The following CRYBG1 variants were observed in gnomAD, a reference collection of about 807,000 sequenced individuals.
The protein encoded by CRYBG1 is beta/gamma crystallin domain-containing protein 1.
Under a neutral mutation model 189.2 loss-of-function variants are expected in CRYBG1, and 139 were observed. That is an observed-to-expected ratio of 0.73 (90% CI 0.64 to 0.85). The LOEUF is 0.85. CRYBG1 is among the 40% of genes least tolerant of loss of function. The pLI, the probability that CRYBG1 is intolerant of heterozygous loss-of-function variation, is 0.00. For synonymous variants in CRYBG1, 1,023 were observed against 1,017.1 expected (o/e 1.01, Z -0.11); for missense variants, 2,611 against 2,675.8 (o/e 0.98, Z 0.53).
intron 1 of CRYBG1, among the ~76,000 whole-genome samples, chr6:106,425,990 C>A (rs1582755633): frequency 1.3e-5 from 2 of 152,274 alleles, no homozygotes; most frequent in South Asian, 4.1e-4. Flanking sequence ...TAAGTGCTGA[C>A]CTTGCAATCC....
In CRYBG1 at chr6:106,571,281, AG is replaced by A. The variant is rs1775052024; in HGVS notation, c.*2717del. On this transcript the variant is annotated 3_prime_UTR_variant, in exon 22 of 22. Coordinates refer to ENST00000633556, the MANE Select transcript of CRYBG1 (RefSeq NM_001371242.2). ...AGCTGTGGTGACCACATTATGGTGG[AG>A]GAACAAAAAAGGAAACCTTGGCAGT... is the stretch of plus-strand genomic sequence containing the variant. The A allele has an allele frequency of 6.6e-6, 1 of 152,258 alleles. No individual in the cohort carries two copies. Among genetic ancestry groups the A allele is most frequent in the Admixed American group, 6.5e-5 (1 of 15,292 alleles). The allele number at this position is 152,258 out of a possible 1,614,324, so 9.4% of individuals were successfully genotyped here.
chr6:106,561,562 A>C (rs561610621), intron 20 of CRYBG1, 62 bp downstream of exon 20: 1 of 1,536,438 alleles, frequency 6.5e-7, no homozygotes, highest in Admixed American at 2.1e-5. Flanking sequence ...TCATCCTTTC[A>C]TATGCTTTTG....
Position 106,558,530 on chromosome 6 carries a change from C to CA in CRYBG1, c.5763dup (p.Gly1922ArgfsTer5). 6.2e-7 allele frequency: 1 copy of CA among 1,610,738 alleles called. No homozygotes were observed. Among genetic ancestry groups the CA allele is most frequent in the Non-Finnish European group, 8.5e-7 (1 of 1,177,602 alleles). ...TTATTCTCTTTGAAAGAGAAGACTT[C>CA]AAAGGAAAAAAGATTGAACTTAATG... On this transcript the variant is annotated frameshift_variant, in exon 18 of 22. Coordinates refer to ENST00000633556, the MANE Select transcript of CRYBG1 (RefSeq NM_001371242.2). LOFTEE classifies it high-confidence loss of function.
intron 1 of CRYBG1, among the ~76,000 whole-genome samples, chr6:106,382,145 C>T (rs774953532): frequency 6.6e-6 from 1 of 152,108 alleles, no homozygotes; most frequent in Non-Finnish European, 1.5e-5. Flanking sequence ...ATTTGGGAGG[C>T]CAGCCATGGG....
At chr6:106,535,457 T>C (rs1325017544) in intron 8 of CRYBG1, among the ~76,000 whole-genome samples, 1 of 152,242 alleles carries the variant, frequency 6.6e-6, no homozygotes, top group African/African-American at 2.4e-5. Context: ...TCAATGTACA[T>C]TGGAGATATC....
At position 106,563,781 on chromosome 6, in the gene CRYBG1, C is replaced by T. The variant is rs1359736254; in HGVS notation, c.6156C>T (p.Cys2052=). The change falls in exon 21 of 22, where the codon TGC becomes TGT. Residue 2052 remains cysteine (C), a synonymous_variant. Transcript: ENST00000633556. ...CTGAGCAGATAGCAGAAGACTGCTG[C>T]CTGACGATTGTGGGCAGCCTGGTAA... ...CIKCRIAEDC[C]LTIVGSLVTS... is the part of the protein sequence containing the mutation. 1 of 1,607,908 alleles carries T rather than the reference C, an allele frequency of 6.2e-7. No homozygotes were observed. Among genetic ancestry groups the T allele is most frequent in the South Asian group, 1.1e-5 (1 of 90,984 alleles).
At chr6:106,541,245 G>A (rs780889013) in intron 9 of CRYBG1, 1 of 500,152 alleles carries the variant, frequency 2.0e-6, no homozygotes, top group South Asian at 1.5e-5. Context: ...AGTGGCCTGG[G>A]AGAATCTGGG....
intron 3 of CRYBG1, among the ~76,000 whole-genome samples, chr6:106,515,638 G>A (rs1189735125): frequency 6.6e-6 from 1 of 152,044 alleles, no homozygotes; most frequent in Non-Finnish European, 1.5e-5. Flanking sequence ...TTGAGGAAAT[G>A]CTTATAAATT....
chr6:106,555,257 G>A (rs1195574280), intron 16 of CRYBG1, among the ~76,000 whole-genome samples: 1 of 148,918 alleles, frequency 6.7e-6, no homozygotes, highest in Non-Finnish European at 1.5e-5. Context: ...TATGAATAAT[G>A]TTGATACCAG....
At chr6:106,527,644 A>T (rs754723213) in intron 7 of CRYBG1, among the ~76,000 whole-genome samples, 174 bp downstream of exon 7, 5 of 152,242 alleles carry the variant, frequency 3.3e-5, no homozygotes, top group Non-Finnish European at 7.3e-5. Flanking sequence ...AAAGAAACAT[A>T]ATTGGTTAGA....
chr6:106,468,288 A>G (rs1037870670), intron 2 of CRYBG1, among the ~76,000 whole-genome samples: 21 of 152,028 alleles, frequency 1.4e-4, no homozygotes, highest in African/African-American at 4.8e-4. Context: ...AGAGGGGTAA[A>G]CCCTGGGAAG....
intron 1 of CRYBG1, among the ~76,000 whole-genome samples, chr6:106,391,876 C>A (rs113148337): frequency 6.6e-6 from 1 of 151,998 alleles, no homozygotes; most frequent in Admixed American, 6.6e-5. Context: ...GAGGTGCTCC[C>A]ACTGGCTAGA....
At chr6:106,490,981 C>T (rs1421908838) in intron 2 of CRYBG1, among the ~76,000 whole-genome samples, 2 of 152,170 alleles carry the variant, frequency 1.3e-5, no homozygotes, top group African/African-American at 4.8e-5. Context: ...CCTCTAATTG[C>T]TGTGTGATAT....
At chr6:106,452,682 AG>A (rs1456197170) in intron 2 of CRYBG1, among the ~76,000 whole-genome samples, 1 of 152,186 alleles carries the variant, frequency 6.6e-6, no homozygotes, top group Non-Finnish European at 1.5e-5. Context: ...CTTAATATCT[AG>A]ATGCTTGTAC....
At chr6:106,415,188 AAT>A (rs1770999562) in intron 1 of CRYBG1, among the ~76,000 whole-genome samples, 1 of 152,252 alleles carries the variant, frequency 6.6e-6, no homozygotes, top group Non-Finnish European at 1.5e-5. Flanking sequence ...CGAATAAAAT[AAT>A]ATGTTTCTCA....
At chr6:106,408,612 A>T (rs1481959533) in intron 1 of CRYBG1, among the ~76,000 whole-genome samples, 2 of 152,228 alleles carry the variant, frequency 1.3e-5, no homozygotes, top group African/African-American at 4.8e-5. Flanking sequence ...TTGATGTGAA[A>T]ATCCTCAAGA....
At chr6:106,437,305 C>G (rs1313990105) in intron 1 of CRYBG1, among the ~76,000 whole-genome samples, 1 of 152,026 alleles carries the variant, frequency 6.6e-6, no homozygotes, top group Non-Finnish European at 1.5e-5. Flanking sequence ...TAGCATGGCT[C>G]TTAACTAATC....
intron 1 of CRYBG1, among the ~76,000 whole-genome samples, chr6:106,372,532 G>A (rs151159545): frequency 0.056 from 8,484 of 152,244 alleles, 392 homozygotes; most frequent in East Asian, 0.16. Flanking sequence ...GATTACAGGC[G>A]TGAGCCACCG....
intron 10 of CRYBG1, 106 bp downstream of exon 10, chr6:106,541,727 T>C (rs2114570721): frequency 1.2e-6 from 1 of 836,380 alleles, no homozygotes; most frequent in Non-Finnish European, 1.9e-6. Context: ...ATGAAGATAT[T>C]GCTTATGTGA....
Sources: gnomAD v4.1 joint callset for allele counts (sites outside exome capture counted in the v4.1 genomes callset) on GRCh38, gnomAD v4.1.1 for gene constraint, MANE v1.5 for transcripts, NCBI Gene and HGNC (gene_info 2026-07-23, HGNC 2026-07-21) for gene names.